Variants in SLC9A2 observed in about 807,000 individuals in gnomAD.
SLC9A2 encodes sodium/hydrogen exchanger 2.
A neutral mutation model predicts 71.7 loss-of-function variants in SLC9A2; 42 were observed. The observed-to-expected ratio is 0.59, with a 90% CI of 0.46 to 0.76. The LOEUF is 0.76. Ranked by LOEUF, SLC9A2 falls within the 30% of genes least tolerant of loss-of-function variation. The probability of loss-of-function intolerance (pLI) is 0.00; values close to 1 mark genes in which losing one functional copy is unlikely to be tolerated. For missense variants in SLC9A2, 829 were observed against 1,017.4 expected, an observed-to-expected ratio of 0.81 and a Z score of 2.52; for synonymous variants, 396 against 392.5, an observed-to-expected ratio of 1.01 and a Z score of -0.10.
chr2:102,708,150 C>T lies in SLC9A2; in HGVS notation c.2100C>T (p.Ala700=), dbSNP rs765259675. 9.9e-6 allele frequency: 16 copies of T among 1,613,448 alleles called. No individual in the cohort carries two copies. The highest frequency in any genetic ancestry group is 1.3e-5 in the African/African-American group (1 of 74,862). The change falls in exon 12 of 12, where the codon GCC becomes GCT. Residue 700 remains alanine, a synonymous_variant. Transcript: ENST00000233969. ...DGNSSDSDAD[A]GTTVLNLQPR... ...ATAGCAGCGACTCAGACGCAGATGC[C>T]GGGACCACCGTGCTCAATTTGCAGC...
rs947826894 is a variant in SLC9A2, at chr2:102,709,703, C to T, written c.*1214C>T. On this transcript the variant is annotated 3_prime_UTR_variant, in exon 12 of 12. Transcript: ENST00000233969. ...AAATTGAATTCTACTCATTAGAGTA[C>T]TTTTTAAAAGTACAGCAGAAAGAAA... 1 of 152,640 alleles carries T rather than the reference C, an allele frequency of 6.6e-6. No homozygotes were observed. Among genetic ancestry groups the T allele is most frequent in the African/African-American group, 2.4e-5 (1 of 41,414 alleles). 9.5% of individuals were successfully genotyped at this position (152,640 alleles called of 1,614,324 possible).
intron 1 of SLC9A2, among the ~76,000 whole-genome samples, chr2:102,647,648 AAT>A (rs367770684): frequency 1.4e-4 from 21 of 152,010 alleles, no homozygotes; most frequent in African/African-American, 5.1e-4. Flanking sequence ...CAATAAAAAA[AAT>A]AAAGGGAATA....
At chr2:102,688,353 GGGGAAATAT>G (rs1677591186) in intron 5 of SLC9A2, among the ~76,000 whole-genome samples, 1 of 152,146 alleles carries the variant, frequency 6.6e-6, no homozygotes, top group Non-Finnish European at 1.5e-5. Flanking sequence ...AGGCAGCTCA[GGGGAAATAT>G]GTGTATAGAG....
intron 2 of SLC9A2, among the ~76,000 whole-genome samples, chr2:102,658,911 C>T (rs114903264): frequency 0.02 from 2,998 of 152,132 alleles, 113 homozygotes; most frequent in African/African-American, 0.069. Context: ...TTAGCCACAG[C>T]TCGGTAGTAG....
chr2:102,703,136 T>G (rs1288771350), intron 9 of SLC9A2, among the ~76,000 whole-genome samples: 1 of 152,212 alleles, frequency 6.6e-6, no homozygotes, highest in Non-Finnish European at 1.5e-5. Context: ...ATGTGGGGGC[T>G]GTTTCAGCAG....
intron 1 of SLC9A2, among the ~76,000 whole-genome samples, chr2:102,632,034 ATATAC>A (rs1676368250): frequency 1.6e-5 from 2 of 127,334 alleles, no homozygotes; most frequent in African/African-American, 6.8e-5. Flanking sequence ...ATATATATAT[ATATAC>A]ATACACACAC....
intron 5 of SLC9A2, among the ~76,000 whole-genome samples, chr2:102,685,762 G>T (rs1402895552): frequency 1.3e-5 from 2 of 152,136 alleles, no homozygotes. Context: ...TTCAATGACG[G>T]GCATGCTGCA....
chr2:102,632,395 T>C (rs973103902), intron 1 of SLC9A2, among the ~76,000 whole-genome samples: 15 of 151,562 alleles, frequency 9.9e-5, no homozygotes, highest in Non-Finnish European at 2.1e-4. Flanking sequence ...ATTAATATTA[T>C]ATTAAAGTGA....
chr2:102,644,926 C>T (rs994497512), intron 1 of SLC9A2, among the ~76,000 whole-genome samples: 1 of 152,358 alleles, frequency 6.6e-6, no homozygotes, highest in East Asian at 1.9e-4. Context: ...CAGCAGATCT[C>T]CCAGCACAGT....
intron 1 of SLC9A2, among the ~76,000 whole-genome samples, chr2:102,641,626 C>T (rs1676583338): frequency 6.6e-6 from 1 of 151,992 alleles, no homozygotes; most frequent in Admixed American, 6.6e-5. Flanking sequence ...GAAACTTACA[C>T]TTCCTGCTCC....
At chr2:102,630,044 T>G (rs1201051993) in intron 1 of SLC9A2, among the ~76,000 whole-genome samples, 1 of 152,098 alleles carries the variant, frequency 6.6e-6, no homozygotes, top group Non-Finnish European at 1.5e-5. Flanking sequence ...TACTTGAACT[T>G]AAAAAAATTC....
chr2:102,672,494 C>T (rs890212487), intron 3 of SLC9A2, among the ~76,000 whole-genome samples: 3 of 152,256 alleles, frequency 2.0e-5, no homozygotes, highest in Admixed American at 2.0e-4. Flanking sequence ...GAGAAATGCT[C>T]TCCCCGCTCT....
In SLC9A2 at chr2:102,624,801, T is replaced by G. The variant is rs562455215; in HGVS notation, c.289+4664T>G. On this transcript the variant is annotated intron_variant, in intron 1 of 11. Transcript: ENST00000233969. ...ATTAAATAAATTATATTCTTATAAT[T>G]TTAAGGGGAAAGATAGAAAGCAGTT... 2.0e-5 allele frequency among the ~76,000 whole-genome samples: 3 copies of G among 152,150 alleles called. No homozygotes were observed. The South Asian group carries it at 6.2e-4, about 32-fold the overall frequency.
chr2:102,652,630 T>C (rs1201493612), intron 1 of SLC9A2, among the ~76,000 whole-genome samples: 2 of 152,214 alleles, frequency 1.3e-5, no homozygotes, highest in African/African-American at 2.4e-5. Context: ...ATTTGTGCCC[T>C]TGTCTTATCT....
chr2:102,647,049 C>T (rs1356541694), intron 1 of SLC9A2, among the ~76,000 whole-genome samples: 1 of 152,000 alleles, frequency 6.6e-6, no homozygotes, highest in Non-Finnish European at 1.5e-5. Flanking sequence ...TAAAATTGAC[C>T]ACCAAATTGG....
Position 102,705,890 on chromosome 2 carries a change from G to A in SLC9A2, c.2022G>A (p.Thr674=), listed in dbSNP as rs769175808. The change falls in exon 11 of 12, where the codon ACG becomes ACA. Residue 674 remains threonine (T), a synonymous_variant. Coordinates refer to ENST00000233969, the MANE Select transcript of SLC9A2 (RefSeq NM_003048.6). ...TSRYLSLPKN[T]KLPEKLQKRR... ...GATATTTATCCTTACCTAAAAATAC[G>A]AAGCTTCCAGAAAAGCTACAAAAGA... 6.9e-6 allele frequency: 11 copies of A among 1,604,068 alleles called. No individual in the cohort carries two copies. Among genetic ancestry groups the A allele is most frequent in the South Asian group, 3.4e-5 (3 of 89,170 alleles).
chr2:102,687,475 T>C (rs1455690779), intron 5 of SLC9A2, among the ~76,000 whole-genome samples: 1 of 152,256 alleles, frequency 6.6e-6, no homozygotes, highest in African/African-American at 2.4e-5. Context: ...AAATATTGCC[T>C]TTCAAGTAAG....
intron 1 of SLC9A2, among the ~76,000 whole-genome samples, chr2:102,631,399 C>T (rs889203388): frequency 1.3e-5 from 2 of 151,928 alleles, no homozygotes; most frequent in Non-Finnish European, 2.9e-5. Flanking sequence ...TCAAATGTCT[C>T]ATCCTCATGT....
rs997425391 is a variant in SLC9A2, at chr2:102,705,913, AGAG to A, written c.2051_2053del (p.Arg684del). 22 of 1,604,186 alleles carry A rather than the reference AGAG, an allele frequency of 1.4e-5. No homozygotes were observed. The highest frequency in any genetic ancestry group is 1.8e-5 in the Non-Finnish European group (21 of 1,174,674). ...ACGAAGCTTCCAGAAAAGCTACAAA[AGAG>A]GAGGACTATTTCTATTGCAGGTAGT... On this transcript the variant is annotated inframe_deletion, in exon 11 of 12. Coordinates refer to ENST00000233969, the MANE Select transcript of SLC9A2 (RefSeq NM_003048.6).
Sources: gnomAD v4.1 joint callset for allele counts (sites outside exome capture counted in the v4.1 genomes callset) on GRCh38, gnomAD v4.1.1 for gene constraint, MANE v1.5 for transcripts, NCBI Gene and HGNC (gene_info 2026-07-23, HGNC 2026-07-21) for gene names.